NBEAL1: variants seen among roughly 807,000 people sequenced by gnomAD.
The protein encoded by NBEAL1 is neurobeachin like 1, also known as neurobeachin-like protein 1.
NBEAL1 carries 273 observed loss-of-function variants against 351.3 expected under a neutral mutation model. The observed-to-expected ratio is 0.78, with a 90% CI of 0.70 to 0.86. The LOEUF (loss-of-function observed/expected upper bound fraction) is 0.86, where lower values mean the gene tolerates loss of function less well. Among genes scored for constraint, NBEAL1 ranks in the 40% least tolerant of loss-of-function variants. The pLI is 0.00. For synonymous variants in NBEAL1, 1,050 were observed against 1,086.4 expected (o/e 0.97, Z 0.66); for missense variants, 2,961 against 3,201.3 (o/e 0.92, Z 1.81).
chr2:203,088,915 G>T (rs904759727), intron 10 of NBEAL1, among the ~76,000 whole-genome samples: 2 of 152,158 alleles, frequency 1.3e-5, no homozygotes, highest in African/African-American at 4.8e-5. Context: ...GATACCCCAA[G>T]AATTAACCAA....
At chr2:203,123,803 G>GT (rs2062880743) in intron 19 of NBEAL1, among the ~76,000 whole-genome samples, 1 of 151,992 alleles carries the variant, frequency 6.6e-6, no homozygotes, top group African/African-American at 2.4e-5. Context: ...AATCAAAGCC[G>GT]TTTTTTTGTG....
intron 36 of NBEAL1, among the ~76,000 whole-genome samples, chr2:203,163,027 A>G (rs7600937): frequency 0.97 from 147,951 of 152,248 alleles, 71,899 homozygotes; most frequent in Middle Eastern, 0.99. Context: ...CATGGGGGTG[A>G]GTGCCTGTAA....
intron 19 of NBEAL1, among the ~76,000 whole-genome samples, chr2:203,124,512 A>T (rs1284038858): frequency 6.6e-5 from 10 of 152,232 alleles, no homozygotes; most frequent in Non-Finnish European, 1.2e-4. Flanking sequence ...TAGAAATGTT[A>T]ATCTGCTTCA....
rs2062950609 is a variant in NBEAL1 at position 203,126,918 on chromosome 2, T to G, written c.3240T>G (p.Ile1080Met). 1 of 1,540,678 alleles carries G rather than the reference T, an allele frequency of 6.5e-7. No individual in the cohort carries two copies. The highest frequency in any genetic ancestry group is 1.4e-5 in the African/African-American group (1 of 72,834). Residue 1080 changes from isoleucine to methionine, a missense_variant, in exon 23 of 56, where the codon ATT becomes ATG. Physicochemically the swap from Ile to Met is conservative, Grantham distance 10. Coordinates refer to ENST00000683969, the MANE Select transcript of NBEAL1 (RefSeq NM_001378026.1). ...GVQFLLDTLR[I>M]YYGNGCKYNE... The stretch of plus-strand genomic sequence containing the variant: ...AGTTTCTCCTAGATACACTTAGGAT[T>G]TATTATGGGTATGATGCCCTTGTTC...
At chr2:203,194,376 A>T (rs1386996611) in intron 47 of NBEAL1, among the ~76,000 whole-genome samples, 13 of 152,238 alleles carry the variant, frequency 8.5e-5, no homozygotes, top group Non-Finnish European at 1.6e-4. Context: ...TTAAATATAC[A>T]TATTAAATTG....
Position 203,148,213 on chromosome 2 carries a change from A to T in NBEAL1, c.5305-778A>T, listed in dbSNP as rs546599884. Among the ~76,000 whole-genome samples, 3 of 152,202 alleles carry T rather than the reference A, an allele frequency of 2.0e-5. No homozygotes were observed. The South Asian group carries it at 6.2e-4, about 32-fold the overall frequency. ...AGTACTTTAAATGTTCATCTTTATT[A>T]TGACAGTTATTGTTAACCTCATTTT... On this transcript the variant is annotated intron_variant, in intron 33 of 55. Coordinates refer to ENST00000683969, the MANE Select transcript of NBEAL1 (RefSeq NM_001378026.1).
intron 51 of NBEAL1, 50 bp downstream of exon 51, chr2:203,202,831 G>A: frequency 9.9e-7 from 1 of 1,005,308 alleles, no homozygotes; most frequent in South Asian, 1.3e-5. Context: ...TTCACCCTGA[G>A]AATACTAGCA....
At chr2:203,099,506 A>G in intron 11 of NBEAL1, 123 bp from the exon 12 acceptor site, 1 of 577,368 alleles carries the variant, frequency 1.7e-6, no homozygotes, top group Non-Finnish European at 3.0e-6. Context: ...CCATTTCATC[A>G]GAAGAGGAAT....
chr2:203,087,177 C>T (rs2106175994), intron 10 of NBEAL1, among the ~76,000 whole-genome samples: 1 of 148,550 alleles, frequency 6.7e-6, no homozygotes, highest in Non-Finnish European at 1.5e-5. Context: ...CACTGAACCT[C>T]CGCCTCCTGG....
chr2:203,153,302 A>ATTT lies in NBEAL1; in HGVS notation c.5587+1730_5587+1732dup, dbSNP rs5837843. Among the ~76,000 whole-genome samples the ATTT allele has an allele frequency of 7.3e-5, 9 of 124,134 alleles. 1 individual carries two copies. The highest frequency in any genetic ancestry group is 2.7e-4 in the South Asian group (1 of 3,772). The allele number at this position is 124,134 out of a possible 152,430, so 81.4% of individuals were successfully genotyped here. On this transcript the variant is annotated intron_variant, in intron 35 of 55. Transcript: ENST00000683969. ...TGCATACCACCATGCCATGCCCAGCATTTTTTTTTTTTTTTTTTTGGTAGA... is the reference window on the plus strand; with the variant it reads ...TGCATACCACCATGCCATGCCCAGCATTTTTTTTTTTTTTTTTTTTTTGGTAGA...
intron 2 of NBEAL1, among the ~76,000 whole-genome samples, chr2:203,028,828 G>A (rs973495764): frequency 4.6e-5 from 7 of 151,800 alleles, no homozygotes; most frequent in Non-Finnish European, 8.8e-5. Context: ...TTTATAAATT[G>A]TATTTTTAGA....
In NBEAL1 at chr2:203,062,536, G is replaced by A. The variant is rs527311711; in HGVS notation, c.515+5083G>A. 8.8e-6 allele frequency: 2 copies of A among 227,064 alleles called. No homozygotes were observed. Among genetic ancestry groups the A allele is most frequent in the Non-Finnish European group, 8.9e-6 (1 of 112,490 alleles). The allele number at this position is 227,064 out of a possible 1,614,324, so 14.1% of individuals were successfully genotyped here. ...AGGAGAGGGAGCCCAAGCTAGGAGC[G>A]CAGCCCAGAGACCCAAAAAGAAGAA... On this transcript the variant is annotated intron_variant, in intron 6 of 55. Coordinates refer to ENST00000683969, the MANE Select transcript of NBEAL1 (RefSeq NM_001378026.1). This position sits in a 1 kb window ranked among gnomAD's most constrained non-coding sequence, Gnocchi z 4.2.
chr2:203,079,746 C>A (rs2061840024), intron 8 of NBEAL1, among the ~76,000 whole-genome samples: 1 of 152,040 alleles, frequency 6.6e-6, no homozygotes, highest in Admixed American at 6.5e-5. Flanking sequence ...CAAAATTATG[C>A]CAATAATACA....
intron 2 of NBEAL1, among the ~76,000 whole-genome samples, chr2:203,032,118 A>C (rs535466814): frequency 6.6e-6 from 1 of 152,296 alleles, no homozygotes; most frequent in African/African-American, 2.4e-5. Flanking sequence ...GGCTCTTGCG[A>C]ACTACCATAT....
chr2:203,077,792 AT>A lies in NBEAL1; in HGVS notation c.640del (p.Cys214ValfsTer11), dbSNP rs1240714330. On this transcript the variant is annotated frameshift_variant, in exon 8 of 56. Coordinates refer to ENST00000683969, the MANE Select transcript of NBEAL1 (RefSeq NM_001378026.1). LOFTEE classifies it high-confidence loss of function. Reference protein sequence around the residue: ...ESEHLKESLKCCLLHLFGAIV... With the variant: ...ESEHLKESLKXCLLHLFGAIV... ...GTGAACATCTCAAGGAAAGTCTTAA[AT>A]GTTGCTTATTGCATCTCTTTGGAGC... The A allele has an allele frequency of 6.8e-7, 1 of 1,472,488 alleles. No homozygotes were observed. The highest frequency in any genetic ancestry group is 1.4e-5 in the African/African-American group (1 of 70,826). The allele number at this position is 1,472,488 out of a possible 1,614,324, so 91.2% of individuals were successfully genotyped here.
rs776140852 is a variant in NBEAL1 at position 203,167,409 on chromosome 2, T to A, written c.5997+49T>A. 3.3e-6 allele frequency: 5 copies of A among 1,533,960 alleles called. No individual in the cohort carries two copies. In the African/African-American group the frequency reaches 7.0e-5, roughly 21 times the overall value. On this transcript the variant is annotated intron_variant, in intron 38 of 55. Transcript: ENST00000683969. ...TCCCAAAATGCTAGCTTTAAATACG[T>A]TTCCAGCTAGTGAGCTCTAATGGAA...
intron 11 of NBEAL1, among the ~76,000 whole-genome samples, chr2:203,099,368 T>G (rs535218502): frequency 6.6e-5 from 10 of 152,150 alleles, no homozygotes; most frequent in Non-Finnish European, 1.3e-4. Context: ...AAAAAGCATG[T>G]GTTAAGCTTG....
intron 46 of NBEAL1, 174 bp downstream of exon 46, chr2:203,190,563 A>G (rs1575108180): frequency 1.5e-6 from 1 of 684,314 alleles, no homozygotes; most frequent in Non-Finnish European, 2.4e-6. Context: ...CTGAGTACCT[A>G]TTAGGGTATG....
At chr2:203,093,094 TGGTG>T (rs2062098592) in intron 10 of NBEAL1, among the ~76,000 whole-genome samples, 1 of 151,774 alleles carries the variant, frequency 6.6e-6, no homozygotes, top group Admixed American at 6.6e-5. Flanking sequence ...TAGCCAGCCG[TGGTG>T]GTACATGCCT....
Sources: allele counts gnomAD v4.1 joint callset (sites outside exome capture counted in the v4.1 genomes callset), GRCh38; gene constraint gnomAD v4.1.1; non-coding constraint Gnocchi (gnomAD v3.1); transcripts MANE v1.5; gene names NCBI Gene and HGNC (gene_info 2026-07-23, HGNC 2026-07-21).